Variants in LAMA1 observed in about 807,000 individuals in gnomAD.
The protein encoded by LAMA1 is laminin subunit alpha 1.
A neutral mutation model predicts 348.7 loss-of-function variants in LAMA1; 219 were observed. The ratio of observed to expected loss-of-function variants is 0.63; its 90% confidence interval spans 0.56 to 0.70. The LOEUF is 0.70. Among genes scored for constraint, LAMA1 ranks in the 30% least tolerant of loss-of-function variants. LAMA1 has a pLI of 0.00. For missense variants in LAMA1, 3,744 were observed against 3,888.0 expected, an observed-to-expected ratio of 0.96 and a Z score of 0.99; for synonymous variants, 1,487 against 1,491.0, an observed-to-expected ratio of 1.00 and a Z score of 0.06.
chr18:6,972,145 T>C (rs627092), intron 47 of LAMA1, 164 bp from the exon 48 acceptor site: 14,523 of 717,072 alleles, frequency 0.02, 405 homozygotes, highest in African/African-American at 0.1. Flanking sequence ...GGATTTCCTT[T>C]CAGTTATGAA....
At chr18:7,028,173 C>T (rs907412528) in intron 16 of LAMA1, among the ~76,000 whole-genome samples, 16 of 152,088 alleles carry the variant, frequency 1.1e-4, no homozygotes, top group African/African-American at 3.9e-4. Context: ...CAGGAAAAAA[C>T]AAAAGATCCC....
In LAMA1 at chr18:6,978,189, G is replaced by A; in HGVS notation, c.6190+7C>T. The A allele has an allele frequency of 6.2e-7, 1 of 1,614,232 alleles. No homozygotes were observed. Among genetic ancestry groups the A allele is most frequent in the African/African-American group, 1.3e-5 (1 of 75,066 alleles). ...GATCATGACTGGAAGGAAGGGCGCTGACATACTGGCCATGGTGGAGTCCTG... is the reference window on the plus strand; with the variant it reads ...GATCATGACTGGAAGGAAGGGCGCTAACATACTGGCCATGGTGGAGTCCTG... On this transcript the variant is annotated splice_region_variant and intron_variant, in intron 43 of 62. Coordinates refer to ENST00000389658, the MANE Select transcript of LAMA1 (RefSeq NM_005559.4).
chr18:6,981,421 C>T (rs611183), intron 41 of LAMA1, among the ~76,000 whole-genome samples: 125,977 of 152,094 alleles, frequency 0.83, 52,575 homozygotes, highest in East Asian at 0.99. Context: ...CTTCTGGCCA[C>T]CCAACTGGAA....
At chr18:7,049,535 G>A (rs2058054843) in intron 4 of LAMA1, among the ~76,000 whole-genome samples, 1 of 152,256 alleles carries the variant, frequency 6.6e-6, no homozygotes, top group Admixed American at 6.5e-5. Context: ...CCTGAACTCA[G>A]GTGATCCGCC....
At chr18:7,002,862 A>G (rs550327117) in intron 29 of LAMA1, among the ~76,000 whole-genome samples, 2 of 150,166 alleles carry the variant, frequency 1.3e-5, no homozygotes, top group East Asian at 3.9e-4. Flanking sequence ...CCAACAACTA[A>G]CTTCCAGTTA....
chr18:7,108,747 C>T (rs1417142649), intron 1 of LAMA1, among the ~76,000 whole-genome samples: 1 of 151,690 alleles, frequency 6.6e-6, no homozygotes, highest in East Asian at 1.9e-4. Flanking sequence ...GTTCTCCCCA[C>T]TCCAAACTTC....
chr18:7,000,700 G>T (rs1277839896), intron 30 of LAMA1, among the ~76,000 whole-genome samples: 1 of 152,078 alleles, frequency 6.6e-6, no homozygotes, highest in Non-Finnish European at 1.5e-5. Flanking sequence ...GGCTGAGCTG[G>T]GTGCATGCAA....
intron 1 of LAMA1, among the ~76,000 whole-genome samples, chr18:7,117,102 C>G (rs1451214318): frequency 1.3e-5 from 2 of 152,186 alleles, no homozygotes; most frequent in African/African-American, 4.8e-5. Flanking sequence ...GCTAGGGGCG[C>G]CCTTCTCGCC....
chr18:7,106,416 G>A (rs2058312004), intron 1 of LAMA1, among the ~76,000 whole-genome samples: 1 of 150,580 alleles, frequency 6.6e-6, no homozygotes, highest in East Asian at 2.0e-4. Flanking sequence ...CTGGAGTGCA[G>A]TGGCGTAATC....
chr18:7,096,380 T>C (rs1214520755), intron 1 of LAMA1, among the ~76,000 whole-genome samples: 2 of 152,232 alleles, frequency 1.3e-5, no homozygotes, highest in Non-Finnish European at 2.9e-5. Flanking sequence ...GGTCTCCATA[T>C]CAATTACATT....
At chr18:7,051,599 G>T (rs2058062575) in intron 3 of LAMA1, among the ~76,000 whole-genome samples, 1 of 152,132 alleles carries the variant, frequency 6.6e-6, no homozygotes, top group Non-Finnish European at 1.5e-5. Flanking sequence ...ATAAGAGCTT[G>T]TTCTTGTTTC....
At chr18:6,979,700 C>T (rs944488384) in intron 42 of LAMA1, among the ~76,000 whole-genome samples, 17 of 152,022 alleles carry the variant, frequency 1.1e-4, no homozygotes, top group African/African-American at 4.1e-4. Flanking sequence ...GAGATCGAGA[C>T]CATCCTGGCT....
chr18:7,003,641 A>G (rs1442452017), intron 29 of LAMA1, among the ~76,000 whole-genome samples: 1 of 152,130 alleles, frequency 6.6e-6, no homozygotes, highest in Non-Finnish European at 1.5e-5. Flanking sequence ...TGCTCAATTC[A>G]TCTCTATTTA....
At chr18:6,957,904 C>T (rs1050692373) in intron 55 of LAMA1, among the ~76,000 whole-genome samples, 2 of 152,106 alleles carry the variant, frequency 1.3e-5, no homozygotes, top group African/African-American at 2.4e-5. Flanking sequence ...CCTCAGCCTC[C>T]GGAGTAGCTG....
intron 29 of LAMA1, among the ~76,000 whole-genome samples, chr18:7,003,506 C>T (rs529077122): frequency 8.7e-4 from 132 of 152,288 alleles, no homozygotes; most frequent in Non-Finnish European, 8.7e-4. Context: ...GATCTGCCCG[C>T]CTCGGCCTCC....
At chr18:7,072,072 C>T (rs558777627) in intron 3 of LAMA1, among the ~76,000 whole-genome samples, 1 of 132,494 alleles carries the variant, frequency 7.5e-6, no homozygotes, top group East Asian at 1.9e-4. Flanking sequence ...CCTGTTTACA[C>T]TTATCTTATC....
At chr18:6,948,146 T>C (rs868527681) in intron 60 of LAMA1, among the ~76,000 whole-genome samples, 1 of 152,306 alleles carries the variant, frequency 6.6e-6, no homozygotes, top group Middle Eastern at 3.4e-3. Flanking sequence ...AAACTATAGA[T>C]GAAACTAGCA....
In LAMA1 at chr18:7,049,299, A is replaced by G. The variant is rs181050774; in HGVS notation, c.589-42T>C. On this transcript the variant is annotated intron_variant, in intron 4 of 62. Coordinates refer to ENST00000389658, the MANE Select transcript of LAMA1 (RefSeq NM_005559.4). ...CAAAATAGATGAATGTCAATTGTTTATTTATTTATTTATTTTTTGAGATGG... is the reference window on the plus strand; with the variant it reads ...CAAAATAGATGAATGTCAATTGTTTGTTTATTTATTTATTTTTTGAGATGG... The G allele has an allele frequency of 1.0e-4, 156 of 1,514,960 alleles. No individual in the cohort carries two copies. In the African/African-American group the frequency reaches 1.6e-3, roughly 16 times the overall value. The allele number at this position is 1,514,960 out of a possible 1,614,324, so 93.8% of individuals were successfully genotyped here.
intron 15 of LAMA1, 119 bp from the exon 16 acceptor site, chr18:7,032,295 C>T (rs2057973801): frequency 2.8e-6 from 2 of 720,684 alleles, no homozygotes; most frequent in South Asian, 1.5e-5. Context: ...CATTTACATG[C>T]TACACAATTC....
Sources: gnomAD v4.1 joint callset for allele counts (sites outside exome capture counted in the v4.1 genomes callset) on GRCh38, gnomAD v4.1.1 for gene constraint, MANE v1.5 for transcripts, NCBI Gene and HGNC (gene_info 2026-07-23, HGNC 2026-07-21) for gene names.